Variants in BTRC observed in about 807,000 individuals in gnomAD.
BTRC encodes the protein beta-transducin repeat containing E3 ubiquitin protein ligase.
BTRC carries 42 observed loss-of-function variants against 85.5 expected under a neutral mutation model. The observed-to-expected ratio is 0.49, with a 90% CI of 0.38 to 0.64. BTRC has a LOEUF of 0.64. Ranked by LOEUF, BTRC falls within the 30% of genes least tolerant of loss-of-function variation. The probability of loss-of-function intolerance (pLI) is 0.00; values close to 1 mark genes in which losing one functional copy is unlikely to be tolerated. For missense variants in BTRC, 594 were observed against 743.5 expected, an observed-to-expected ratio of 0.80 and a Z score of 2.34; for synonymous variants, 255 against 263.3, an observed-to-expected ratio of 0.97 and a Z score of 0.30.
intron 4 of BTRC, among the ~76,000 whole-genome samples, chr10:101,495,088 C>T (rs573022989): frequency 6.6e-6 from 1 of 152,266 alleles, no homozygotes; most frequent in East Asian, 1.9e-4. Context: ...TTTCTATTTT[C>T]CTCTACCAAA....
chr10:101,506,327 C>T (rs1378018560), intron 4 of BTRC, among the ~76,000 whole-genome samples: 1 of 152,208 alleles, frequency 6.6e-6, no homozygotes, highest in Non-Finnish European at 1.5e-5. Context: ...ATGTTAAATA[C>T]AGTTGCTCAA....
At chr10:101,507,241 G>A (rs1480266984) in intron 4 of BTRC, among the ~76,000 whole-genome samples, 2 of 152,056 alleles carry the variant, frequency 1.3e-5, no homozygotes, top group African/African-American at 2.4e-5. Flanking sequence ...TAAGTAACAC[G>A]CAACCAGTAA....
At chr10:101,525,185 T>G (rs139637547) in intron 5 of BTRC, among the ~76,000 whole-genome samples, 1 of 152,328 alleles carries the variant, frequency 6.6e-6, no homozygotes, top group African/African-American at 2.4e-5. Flanking sequence ...GAGACCTCAG[T>G]ACAGATTTGG....
intron 1 of BTRC, among the ~76,000 whole-genome samples, chr10:101,360,505 C>T (rs1423907232): frequency 1.3e-5 from 2 of 151,672 alleles, no homozygotes; most frequent in African/African-American, 2.4e-5. Context: ...TCCTAAGTAG[C>T]TGGGATTACA....
chr10:101,482,545 G>A (rs534905710), intron 4 of BTRC, among the ~76,000 whole-genome samples: 4 of 151,820 alleles, frequency 2.6e-5, no homozygotes, highest in East Asian at 1.9e-4. Context: ...ATAGGCGCCC[G>A]CCACCACGCC....
At chr10:101,475,277 C>T (rs931092436) in intron 3 of BTRC, among the ~76,000 whole-genome samples, 1 of 152,126 alleles carries the variant, frequency 6.6e-6, no homozygotes. Flanking sequence ...TGGTGGCTCA[C>T]GCCTGCAATC....
At chr10:101,486,443 GA>G (rs34815375) in intron 4 of BTRC, among the ~76,000 whole-genome samples, 54,196 of 145,146 alleles carry the variant, frequency 0.37, 10,992 homozygotes, top group Middle Eastern at 0.5. Flanking sequence ...ATTTCTCAGG[GA>G]AAAAAAAAAA....
chr10:101,551,855 A>G (rs2062655956), intron 14 of BTRC, among the ~76,000 whole-genome samples: 1 of 152,160 alleles, frequency 6.6e-6, no homozygotes, highest in Non-Finnish European at 1.5e-5. Flanking sequence ...GAATCTCTTG[A>G]TGAGTAACGT....
At chr10:101,500,580 T>TG (rs1946376972) in intron 4 of BTRC, among the ~76,000 whole-genome samples, 1 of 152,064 alleles carries the variant, frequency 6.6e-6, no homozygotes, top group Non-Finnish European at 1.5e-5. Flanking sequence ...GAGGGATAGT[T>TG]GGGGTAATTA....
At chr10:101,550,560 G>A in intron 13 of BTRC, 139 bp from the exon 14 acceptor site, 1 of 783,318 alleles carries the variant, frequency 1.3e-6, no homozygotes, top group South Asian at 1.8e-5. Context: ...GGGATTACAG[G>A]TGTGAGCCAC....
chr10:101,526,260 GA>G, intron 6 of BTRC, 61 bp downstream of exon 6: 1 of 1,505,376 alleles, frequency 6.6e-7, no homozygotes, highest in Non-Finnish European at 9.0e-7. Flanking sequence ...CACAGTCACT[GA>G]AAGATTTTTG....
intron 13 of BTRC, 108 bp from the exon 14 acceptor site, chr10:101,550,591 C>T (rs2062634066): frequency 1.6e-6 from 2 of 1,259,744 alleles, no homozygotes; most frequent in Admixed American, 3.9e-5. Flanking sequence ...CTCTTTATAA[C>T]AGCAAACCAT....
intron 5 of BTRC, among the ~76,000 whole-genome samples, chr10:101,525,636 T>C (rs1425235723): frequency 6.6e-6 from 1 of 151,974 alleles, no homozygotes; most frequent in Non-Finnish European, 1.5e-5. Context: ...AATATAGAGA[T>C]TTGGGGGGGT....
chr10:101,464,283 T>C (rs1253640136), intron 3 of BTRC, among the ~76,000 whole-genome samples: 1 of 152,218 alleles, frequency 6.6e-6, no homozygotes, highest in Admixed American at 6.5e-5. Flanking sequence ...AATTTATCTC[T>C]CTCATACTTC....
intron 1 of BTRC, among the ~76,000 whole-genome samples, chr10:101,404,124 G>A (rs1317952478): frequency 2.8e-5 from 4 of 141,798 alleles, no homozygotes; most frequent in Non-Finnish European, 3.0e-5. Context: ...TCCGCCTACC[G>A]GGTTCACGCC....
intron 1 of BTRC, among the ~76,000 whole-genome samples, chr10:101,417,395 C>T (rs1193731606): frequency 6.6e-6 from 1 of 152,110 alleles, no homozygotes; most frequent in Non-Finnish European, 1.5e-5. Context: ...TTGGGTTTTT[C>T]TGATGTATTC....
chr10:101,383,655 G>A (rs1033104013), intron 1 of BTRC, among the ~76,000 whole-genome samples: 4 of 152,140 alleles, frequency 2.6e-5, no homozygotes, highest in African/African-American at 4.8e-5. Context: ...ATGAGCCACT[G>A]TGCTGACCTT....
At chr10:101,367,984 G>A (rs1942518562) in intron 1 of BTRC, among the ~76,000 whole-genome samples, 1 of 152,160 alleles carries the variant, frequency 6.6e-6, no homozygotes, top group African/African-American at 2.4e-5. Flanking sequence ...GGGTCACAGG[G>A]TATGAAAATG....
intron 1 of BTRC, among the ~76,000 whole-genome samples, chr10:101,399,539 C>T (rs772394641): frequency 1.3e-5 from 2 of 152,048 alleles, no homozygotes; most frequent in East Asian, 1.9e-4. Flanking sequence ...ACCTATATTC[C>T]GTGTGCCTAG....
Sources: gnomAD v4.1 joint callset for allele counts (sites outside exome capture counted in the v4.1 genomes callset) on GRCh38, gnomAD v4.1.1 for gene constraint, MANE v1.5 for transcripts, NCBI Gene and HGNC (gene_info 2026-07-23, HGNC 2026-07-21) for gene names.